The following LRRD1 variants were observed in gnomAD, a reference collection of about 807,000 sequenced individuals.
LRRD1 encodes leucine rich repeats and death domain containing 1, also known as leucine-rich repeat and death domain-containing protein 1.
In LRRD1, 49 loss-of-function variants were observed where a neutral mutation model predicts 69.5. The observed-to-expected ratio is 0.70, with a 90% CI of 0.56 to 0.89. The LOEUF is 0.89. Among genes scored for constraint, LRRD1 ranks in the 40% least tolerant of loss-of-function variants. The pLI is 0.00. For synonymous variants in LRRD1, 303 were observed against 338.9 expected, an observed-to-expected ratio of 0.89 and a Z score of 1.16; for missense variants, 853 against 956.0, an observed-to-expected ratio of 0.89 and a Z score of 1.42.
intron 1 of LRRD1, among the ~76,000 whole-genome samples, chr7:92,176,069 C>T (rs1789190772): frequency 6.6e-6 from 1 of 152,122 alleles, no homozygotes; most frequent in African/African-American, 2.4e-5. Flanking sequence ...GGTGGTTATT[C>T]TCAGTTCTTT....
chr7:92,174,658 G>A (rs1244916919), intron 1 of LRRD1, among the ~76,000 whole-genome samples: 31 of 147,822 alleles, frequency 2.1e-4, no homozygotes, highest in African/African-American at 7.2e-4. Context: ...ACAGGCATGC[G>A]CCACCATGCC....
At chr7:92,176,371 T>G (rs1386141635) in intron 1 of LRRD1, among the ~76,000 whole-genome samples, 1 of 152,196 alleles carries the variant, frequency 6.6e-6, no homozygotes, top group African/African-American at 2.4e-5. Context: ...ACTTTATACA[T>G]TCTCCTAGAC....
At chr7:92,172,694 C>T (rs764619622) in intron 1 of LRRD1, among the ~76,000 whole-genome samples, 24 of 151,670 alleles carry the variant, frequency 1.6e-4, no homozygotes, top group Non-Finnish European at 2.7e-4. Context: ...TTGAAGAGGA[C>T]GCAAAAAATG....
At chr7:92,157,746 T>A (rs1788698465) in intron 3 of LRRD1, among the ~76,000 whole-genome samples, 1 of 151,920 alleles carries the variant, frequency 6.6e-6, no homozygotes, top group South Asian at 2.1e-4. Flanking sequence ...TGACTAATTT[T>A]TTTTTTTTTA....
At chr7:92,162,120 T>C (rs1346277278) in intron 2 of LRRD1, among the ~76,000 whole-genome samples, 1 of 152,224 alleles carries the variant, frequency 6.6e-6, no homozygotes, top group Non-Finnish European at 1.5e-5. Flanking sequence ...ACTTTTTAAA[T>C]ACAAGCTGTA....
chr7:92,153,838 T>C (rs73228568), intron 3 of LRRD1, among the ~76,000 whole-genome samples: 15,541 of 151,716 alleles, frequency 0.1, 994 homozygotes, highest in Middle Eastern at 0.23. Context: ...AAAATAAAAA[T>C]AAAAAAATTT....
chr7:92,152,788 A>G (rs1441409986), intron 3 of LRRD1, among the ~76,000 whole-genome samples: 1 of 150,054 alleles, frequency 6.7e-6, no homozygotes, highest in Non-Finnish European at 1.5e-5. Context: ...CTTCTGCCTC[A>G]CTCTCCTGAG....
At chr7:92,174,501 A>ATATG (rs1554483872) in intron 1 of LRRD1, among the ~76,000 whole-genome samples, 1 of 20,028 alleles carries the variant, frequency 5.0e-5, no homozygotes, top group East Asian at 8.6e-4. Context: ...ATATATATAT[A>ATATG]TATATATATT....
chr7:92,178,978 G>C (rs1563196903), intron 1 of LRRD1, 29 bp downstream of exon 1: 1 of 152,456 alleles, frequency 6.6e-6, no homozygotes, highest in East Asian at 1.9e-4. Flanking sequence ...TTACAGGGCT[G>C]CTGAAGTAAG....
intron 3 of LRRD1, among the ~76,000 whole-genome samples, chr7:92,152,931 G>C (rs1419404835): frequency 2.6e-5 from 4 of 152,174 alleles, no homozygotes. Flanking sequence ...GCCTCCCAAA[G>C]TGCTGGGATT....
Position 92,146,204 on chromosome 7 carries a change from C to A in LRRD1, c.2279-4G>T. 2 of 1,323,142 alleles carry A rather than the reference C, an allele frequency of 1.5e-6. No homozygotes were observed. Among genetic ancestry groups the A allele is most frequent in the Non-Finnish European group, 2.1e-6 (2 of 962,402 alleles). The allele number at this position is 1,323,142 out of a possible 1,614,324, so 82.0% of individuals were successfully genotyped here. A position where few individuals can be genotyped will look rare whatever the true frequency, so the allele number is the denominator to read the frequency against. ...AATATCTTCTCTAAAATTTTCTCTA[C>A]GTTTGAACATAAAATAAAATGTATA... On this transcript the variant is annotated splice_polypyrimidine_tract_variant and splice_region_variant and intron_variant, in intron 4 of 5. Coordinates refer to ENST00000458448, the MANE Select transcript of LRRD1 (RefSeq NM_001161528.2).
intron 4 of LRRD1, among the ~76,000 whole-genome samples, chr7:92,148,483 A>G (rs1820385113): frequency 6.6e-6 from 1 of 152,238 alleles, no homozygotes; most frequent in African/African-American, 2.4e-5. Context: ...TGATATATAT[A>G]TATATATAAA....
chr7:92,163,745 T>C lies in LRRD1; in HGVS notation c.1458A>G (p.Leu486=). Residue 486 remains leucine, a synonymous_variant, in exon 2 of 6, where the codon TTA becomes TTG. Coordinates refer to ENST00000458448, the MANE Select transcript of LRRD1 (RefSeq NM_001161528.2). ...IMYFPLGLCA[L]DSLYYLSVNG... ...TAACACTCAAATAATAAAGAGAATC[T>C]AAAGCACACAGTCCCAATGGAAAAT... is the stretch of plus-strand genomic sequence containing the variant. The C allele has an allele frequency of 6.6e-7, 1 of 1,512,778 alleles. No homozygotes were observed. Among genetic ancestry groups the C allele is most frequent in the Non-Finnish European group, 8.8e-7 (1 of 1,133,352 alleles). The allele number at this position is 1,512,778 out of a possible 1,614,324, so 93.7% of individuals were successfully genotyped here.
chr7:92,164,982 T>G lies in LRRD1; in HGVS notation c.221A>C (p.Lys74Thr), dbSNP rs374315561. The change falls in exon 2 of 6, where the codon AAG becomes ACG. Residue 74 changes from lysine (K) to threonine (T), a missense_variant. Coordinates refer to ENST00000458448, the MANE Select transcript of LRRD1 (RefSeq NM_001161528.2). ...TLESTSSSGR[K>T]SKRNEEQKKN... ...CTTTTGTTCTTCATTTCTCTTAGAC[T>G]TCCTTCCAGAGGAAGATGTTGACTC... The G allele has an allele frequency of 1.8e-4, 272 of 1,551,214 alleles. No homozygotes were observed. Among genetic ancestry groups the G allele is most frequent in the Admixed American group, 7.3e-4 (37 of 50,950 alleles).
In LRRD1 at chr7:92,164,622, G is replaced by T. The variant is rs1384642746; in HGVS notation, c.581C>A (p.Ser194Tyr). Residue 194 changes from serine to tyrosine, a missense_variant, in exon 2 of 6, where the codon TCC becomes TAC. Coordinates refer to ENST00000458448, the MANE Select transcript of LRRD1 (RefSeq NM_001161528.2). ...SGDLLGLEIL[S>Y]LQENGLSSLP... ...TGATGATAATCCATTTTCTTGCAGG[G>T]ATAGAATTTCAAGTCCTAACAGATC... 7 of 1,551,740 alleles carry T rather than the reference G, an allele frequency of 4.5e-6. No homozygotes were observed. In the East Asian group the frequency reaches 7.3e-5, roughly 16 times the overall value.
intron 1 of LRRD1, among the ~76,000 whole-genome samples, chr7:92,171,182 A>G (rs1364613109): frequency 6.6e-6 from 1 of 152,154 alleles, no homozygotes; most frequent in Non-Finnish European, 1.5e-5. Flanking sequence ...AAAAGAAATA[A>G]GAAATATCAG....
At chr7:92,147,360 A>G (rs1252601946) in intron 4 of LRRD1, among the ~76,000 whole-genome samples, 1 of 152,094 alleles carries the variant, frequency 6.6e-6, no homozygotes, top group Non-Finnish European at 1.5e-5. Flanking sequence ...GAGTCACCAC[A>G]CTGGGCCTAT....
chr7:92,142,289 T>A, downstream of LRRD1: 1 of 357,608 alleles, frequency 2.8e-6, no homozygotes, highest in Non-Finnish European at 5.5e-6. Flanking sequence ...CCATTCAAAG[T>A]TATGGAAACC....
chr7:92,161,624 T>G (rs779881656), intron 2 of LRRD1, among the ~76,000 whole-genome samples: 7 of 152,184 alleles, frequency 4.6e-5, no homozygotes, highest in Non-Finnish European at 1.0e-4. Context: ...CAACAGCTTT[T>G]TCAGAGGAAA....
Sources: gnomAD v4.1 joint callset for allele counts (sites outside exome capture counted in the v4.1 genomes callset) on GRCh38, gnomAD v4.1.1 for gene constraint, MANE v1.5 for transcripts, NCBI Gene and HGNC (gene_info 2026-07-23, HGNC 2026-07-21) for gene names.